Variants in WDR12 observed in about 807,000 individuals in gnomAD.
WDR12 encodes WD repeat domain 12, also known as ribosome biogenesis protein WDR12.
In WDR12, 42 loss-of-function variants were observed where a neutral mutation model predicts 64.3. The ratio of observed to expected loss-of-function variants is 0.65; its 90% CI spans 0.51 to 0.84. The LOEUF is 0.84. WDR12 is among the 40% of genes least tolerant of loss of function. The pLI is 0.00. For synonymous variants in WDR12, 158 were observed against 173.3 expected, an observed-to-expected ratio of 0.91 and a Z score of 0.70; for missense variants, 469 against 494.6, an observed-to-expected ratio of 0.95 and a Z score of 0.49.
intron 8 of WDR12, among the ~76,000 whole-genome samples, chr2:202,887,340 G>C (rs1688065640): frequency 6.6e-6 from 1 of 151,936 alleles, no homozygotes. Flanking sequence ...TTTTAATAAG[G>C]GGTTGTTTTT....
chr2:202,888,433 A>T (rs1410583731), intron 8 of WDR12, among the ~76,000 whole-genome samples: 1 of 152,212 alleles, frequency 6.6e-6, no homozygotes, highest in East Asian at 1.9e-4. Context: ...CAAAAAGTGA[A>T]TTTTCCTCTA....
rs557686642 is a variant in WDR12 at position 202,876,206 on chromosome 2, T to A, written c.*4654A>T. The A allele has an allele frequency of 1.1e-4, 17 of 151,794 alleles. No homozygotes were observed. Among genetic ancestry groups the A allele is most frequent in the African/African-American group, 4.1e-4 (17 of 41,338 alleles). The allele number at this position is 151,794 out of a possible 1,614,324, so 9.4% of individuals were successfully genotyped here. A position where few individuals can be genotyped will look rare whatever the true frequency, so the allele number is the denominator to read the frequency against. ...GAGTTGGAGTCCAGCCTGGGCAACATAGCAAGACGCCATCTCCACAAAAAT... is the reference window on the plus strand; with the variant it reads ...GAGTTGGAGTCCAGCCTGGGCAACAAAGCAAGACGCCATCTCCACAAAAAT... On this transcript the variant is annotated 3_prime_UTR_variant, in exon 13 of 13. Coordinates refer to ENST00000261015, the MANE Select transcript of WDR12 (RefSeq NM_018256.4).
At position 202,876,714 on chromosome 2, in the gene WDR12, C is replaced by A. The variant is rs1256625061; in HGVS notation, c.*4146G>T. The A allele has an allele frequency of 6.6e-6, 1 of 152,064 alleles. No individual in the cohort carries two copies. Among genetic ancestry groups the A allele is most frequent in the Non-Finnish European group, 1.5e-5 (1 of 68,010 alleles). 9.4% of individuals were successfully genotyped at this position (152,064 alleles called of 1,614,324 possible). Reference sequence around the variant, plus strand: ...ACTTAGGGAGGCTGAGGCATGAGGACTGCCTGAGGCCAAGAGTTCATAACC... The same window carrying A: ...ACTTAGGGAGGCTGAGGCATGAGGAATGCCTGAGGCCAAGAGTTCATAACC... On this transcript the variant is annotated 3_prime_UTR_variant, in exon 13 of 13. Transcript: ENST00000261015.
chr2:202,911,650 G>A lies in WDR12; in HGVS notation c.-174C>T. Reference sequence around the variant, plus strand: ...CTTCTGCCCTCCGGTCTCCTCTGCAGAAAGCACGAGGTTGCCCTTCTACAG... The same window carrying A: ...CTTCTGCCCTCCGGTCTCCTCTGCAAAAAGCACGAGGTTGCCCTTCTACAG... On this transcript the variant is annotated 5_prime_UTR_variant, in exon 1 of 13. Transcript: ENST00000261015. The A allele has an allele frequency of 4.7e-6, 3 of 642,996 alleles. No individual in the cohort carries two copies. Among genetic ancestry groups the A allele is most frequent in the South Asian group, 1.8e-5 (1 of 55,436 alleles). 39.8% of individuals were successfully genotyped at this position (642,996 alleles called of 1,614,324 possible).
chr2:202,889,905 A>T (rs1344809851), intron 8 of WDR12, among the ~76,000 whole-genome samples: 1 of 151,854 alleles, frequency 6.6e-6, no homozygotes, highest in Non-Finnish European at 1.5e-5. Context: ...AAAGGGGGGA[A>T]AGAAACGTCC....
intron 6 of WDR12, 177 bp from the exon 7 acceptor site, chr2:202,894,803 A>T: frequency 2.0e-6 from 1 of 493,136 alleles, no homozygotes. Flanking sequence ...GAAATCTTGA[A>T]GGCCAAGCTT....
chr2:202,893,489 T>G (rs1574406032), intron 7 of WDR12, among the ~76,000 whole-genome samples: 1 of 152,272 alleles, frequency 6.6e-6, no homozygotes, highest in East Asian at 1.9e-4. Context: ...GCCACCAAAT[T>G]ATTTGCTTTC....
At position 202,894,561 on chromosome 2, in the gene WDR12, A is replaced by G; in HGVS notation, c.655+20T>C. The G allele has an allele frequency of 6.3e-7, 1 of 1,588,640 alleles. No homozygotes were observed. The highest frequency in any genetic ancestry group is 8.6e-7 in the Non-Finnish European group (1 of 1,168,358). ...TGAAACAACATTATTAAGTCAAGGT[A>G]AAATAAATATTTAATTTACCTGTAG... On this transcript the variant is annotated intron_variant, in intron 7 of 12. Transcript: ENST00000261015.
chr2:202,876,845 C>A lies in WDR12; in HGVS notation c.*4015G>T. 6.6e-6 allele frequency: 1 copy of A among 152,564 alleles called. No homozygotes were observed. Among genetic ancestry groups the A allele is most frequent in the South Asian group, 1.9e-4 (1 of 5,160 alleles). 9.5% of individuals were successfully genotyped at this position (152,564 alleles called of 1,614,324 possible). A position where few individuals can be genotyped will look rare whatever the true frequency, so the allele number is the denominator to read the frequency against. ...AGTTAGGAGGATGAGGTGGGAGGAT[C>A]CCTTGAGTCCGGGAGTTAGAGGCTG... On this transcript the variant is annotated 3_prime_UTR_variant, in exon 13 of 13. Coordinates refer to ENST00000261015, the MANE Select transcript of WDR12 (RefSeq NM_018256.4).
rs1687861687 is a variant in WDR12 at position 202,876,517 on chromosome 2, T to C, written c.*4343A>G. 6.6e-6 allele frequency: 1 copy of C among 152,242 alleles called. No individual in the cohort carries two copies. Among genetic ancestry groups the C allele is most frequent in the African/African-American group, 2.4e-5 (1 of 41,460 alleles). The allele number at this position is 152,242 out of a possible 1,614,324, so 9.4% of individuals were successfully genotyped here. A position where few individuals can be genotyped will look rare whatever the true frequency, so the allele number is the denominator to read the frequency against. On this transcript the variant is annotated 3_prime_UTR_variant, in exon 13 of 13. Transcript: ENST00000261015. ...TAAAATCTGGATTTCACTTGCCTAATGAAATCTGATTCTAATTAGTGGCTT... is the reference window on the plus strand; with the variant it reads ...TAAAATCTGGATTTCACTTGCCTAACGAAATCTGATTCTAATTAGTGGCTT...
Position 202,901,090 on chromosome 2 carries a change from G to C in WDR12, c.166C>G (p.Leu56Val). The change falls in exon 3 of 13, where the codon CTT (leucine) becomes GTT (valine). Residue 56 changes from leucine to valine, a missense_variant. Leu to Val is a conservative substitution (Grantham distance 32). Transcript: ENST00000261015. ...EFHKHVEFDF[L>V]IKGQFLRMPL... ...ATTCGCAGAAACTGGCCCTTAATAAGGAAATCAAACTCCACATGTTTGTGG... is the reference window on the plus strand; with the variant it reads ...ATTCGCAGAAACTGGCCCTTAATAACGAAATCAAACTCCACATGTTTGTGG... The C allele has an allele frequency of 6.3e-7, 1 of 1,599,188 alleles. No individual in the cohort carries two copies. The highest frequency in any genetic ancestry group is 8.5e-7 in the Non-Finnish European group (1 of 1,169,862).
intron 1 of WDR12, 57 bp from the exon 2 acceptor site, chr2:202,908,016 C>T: frequency 1.3e-6 from 2 of 1,486,534 alleles, no homozygotes; most frequent in South Asian, 1.2e-5. Flanking sequence ...AACAAACATG[C>T]TTTTACGAAT....
intron 2 of WDR12, among the ~76,000 whole-genome samples, chr2:202,901,488 A>ATGT (rs1688348168): frequency 6.6e-6 from 1 of 152,194 alleles, no homozygotes; most frequent in African/African-American, 2.4e-5. Context: ...TTTCATCTGT[A>ATGT]AATACTTTAG....
chr2:202,886,148 T>C (rs1372748288), intron 8 of WDR12, among the ~76,000 whole-genome samples: 1 of 145,836 alleles, frequency 6.9e-6, no homozygotes, highest in Non-Finnish European at 1.5e-5. Flanking sequence ...AGAGATCTTG[T>C]CTCTAAAAAA....
chr2:202,882,473 C>T (rs952613090), intron 12 of WDR12, among the ~76,000 whole-genome samples: 5 of 152,006 alleles, frequency 3.3e-5, no homozygotes, highest in Admixed American at 6.6e-5. Context: ...GAACTACAGG[C>T]GCCCGCCACC....
At chr2:202,897,453 G>GT (rs1177846450) in intron 4 of WDR12, 38 bp from the exon 5 acceptor site, 3 of 1,222,954 alleles carry the variant, frequency 2.5e-6, no homozygotes, top group Admixed American at 2.6e-5. Flanking sequence ...ACAAAAAGCA[G>GT]TTTTTCCAAA....
intron 8 of WDR12, 124 bp from the exon 9 acceptor site, chr2:202,884,659 C>G (rs1559158616): frequency 1.2e-6 from 1 of 861,562 alleles, no homozygotes; most frequent in Non-Finnish European, 1.6e-6. Flanking sequence ...CATATCCTGA[C>G]TTATTTCTTC....
intron 1 of WDR12, among the ~76,000 whole-genome samples, chr2:202,908,238 G>A (rs997335236): frequency 4.6e-5 from 7 of 152,310 alleles, no homozygotes; most frequent in African/African-American, 1.7e-4. Flanking sequence ...CAGAAAAGGA[G>A]GGCAGGGGAG....
At chr2:202,897,279 G>C (rs1559161948) in intron 5 of WDR12, 21 bp downstream of exon 5, 1 of 1,541,292 alleles carries the variant, frequency 6.5e-7, no homozygotes, top group South Asian at 1.2e-5. Context: ...ATTCCTCTAA[G>C]TGTAGGCAAA....
Sources: allele counts gnomAD v4.1 joint callset (sites outside exome capture counted in the v4.1 genomes callset), GRCh38; gene constraint gnomAD v4.1.1; transcripts MANE v1.5; gene names NCBI Gene and HGNC (gene_info 2026-07-23, HGNC 2026-07-21).